Variants in IQSEC1 observed in about 807,000 individuals in gnomAD.
The protein encoded by IQSEC1 is IQ motif and SEC7 domain-containing protein 1.
In IQSEC1, 31 loss-of-function variants were observed where a neutral mutation model predicts 91.0. The observed-to-expected ratio is 0.34, with a 90% CI of 0.26 to 0.46. IQSEC1 has a LOEUF of 0.46. Ranked by LOEUF, IQSEC1 falls within the 20% of genes least tolerant of loss-of-function variation. The pLI, the probability that IQSEC1 is intolerant of heterozygous loss-of-function variation, is 1.00. For synonymous variants in IQSEC1, 699 were observed against 662.6 expected (o/e 1.05, Z -0.84); for missense variants, 1,388 against 1,575.6 (o/e 0.88, Z 2.02).
intron 1 of IQSEC1, among the ~76,000 whole-genome samples, chr3:12,955,123 G>C (rs1391652395): frequency 6.6e-6 from 1 of 152,238 alleles, no homozygotes; most frequent in East Asian, 1.9e-4. Context: ...GGGTTGTGGA[G>C]ACACCAAACC....
At chr3:13,094,052 C>T (rs1199964441) in intron 2 of IQSEC1, among the ~76,000 whole-genome samples, 1 of 152,152 alleles carries the variant, frequency 6.6e-6, no homozygotes, top group Admixed American at 6.5e-5. Context: ...TGGTGCCTAT[C>T]GTGTTATACT....
Position 12,899,581 on chromosome 3 carries a change from G to A in IQSEC1, c.*1402C>T. The A allele has an allele frequency of 6.8e-7, 1 of 1,473,170 alleles. No homozygotes were observed. 91.3% of individuals were successfully genotyped at this position (1,473,170 alleles called of 1,614,324 possible). A position where few individuals can be genotyped will look rare whatever the true frequency, so the allele number is the denominator to read the frequency against. ...TGCCCTGGCAGCTCACTGGACCATGGGAAGGCAGCGGGGGCTCCGCCGGGC... is the reference window on the plus strand; with the variant it reads ...TGCCCTGGCAGCTCACTGGACCATGAGAAGGCAGCGGGGGCTCCGCCGGGC... On this transcript the variant is annotated 3_prime_UTR_variant, in exon 14 of 14. Coordinates refer to ENST00000613206, the MANE Select transcript of IQSEC1 (RefSeq NM_001134382.3).
chr3:13,002,926 A>T (rs1363072913), intron 1 of IQSEC1, among the ~76,000 whole-genome samples: 1 of 152,342 alleles, frequency 6.6e-6, no homozygotes, highest in Non-Finnish European at 1.5e-5. Context: ...GGCCATTTCT[A>T]AAAAGTTAAA....
At chr3:13,164,988 G>A (rs544040911) in intron 1 of IQSEC1, among the ~76,000 whole-genome samples, 3 of 152,184 alleles carry the variant, frequency 2.0e-5, no homozygotes, top group Non-Finnish European at 4.4e-5. Context: ...GTTCCAGAAC[G>A]GAAGTCAGAG....
In IQSEC1 at chr3:12,900,860, A is replaced by AG; in HGVS notation, c.*122dup. 1 of 1,529,772 alleles carries AG rather than the reference A, an allele frequency of 6.5e-7. No homozygotes were observed. The allele number at this position is 1,529,772 out of a possible 1,614,324, so 94.8% of individuals were successfully genotyped here. On this transcript the variant is annotated 3_prime_UTR_variant, in exon 14 of 14. Transcript: ENST00000613206. ...CTCCTGGGGCTCCGGTTGGGCCGTGAGGGGCAGAGGGGAGAGATGGCAACA... is the reference window on the plus strand; with the variant it reads ...CTCCTGGGGCTCCGGTTGGGCCGTGAGGGGGCAGAGGGGAGAGATGGCAACA...
At chr3:13,185,760 C>T (rs1016508270) in intron 1 of IQSEC1, among the ~76,000 whole-genome samples, 36 of 152,226 alleles carry the variant, frequency 2.4e-4, no homozygotes, top group African/African-American at 8.2e-4. Flanking sequence ...ACACTGCATC[C>T]TAATCGCTGG....
At chr3:13,194,275 G>C (rs1694086874) in intron 1 of IQSEC1, among the ~76,000 whole-genome samples, 1 of 152,154 alleles carries the variant, frequency 6.6e-6, no homozygotes, top group Non-Finnish European at 1.5e-5. Context: ...GCAGAGGCAG[G>C]GGAGGTTGGG....
intron 2 of IQSEC1, among the ~76,000 whole-genome samples, chr3:13,138,560 G>C (rs887317863): frequency 2.0e-5 from 3 of 152,062 alleles, no homozygotes; most frequent in Admixed American, 6.5e-5. Context: ...GTAGTCCTAT[G>C]CTGCCAGGCT....
intron 1 of IQSEC1, among the ~76,000 whole-genome samples, chr3:13,037,023 G>A (rs1704061722): frequency 6.6e-6 from 1 of 152,190 alleles, no homozygotes. Flanking sequence ...CAGCACATGT[G>A]TGCCTCACCC....
intron 1 of IQSEC1, among the ~76,000 whole-genome samples, chr3:13,251,502 TA>T (rs1403040787): frequency 6.6e-6 from 1 of 152,182 alleles, no homozygotes; most frequent in East Asian, 1.9e-4. Flanking sequence ...CACTCAGGAA[TA>T]TTTTAAGTGT....
intron 1 of IQSEC1, among the ~76,000 whole-genome samples, chr3:13,203,585 G>A (rs930894036): frequency 2.0e-5 from 3 of 152,164 alleles, no homozygotes; most frequent in Admixed American, 6.5e-5. Flanking sequence ...GAGAGGCAAG[G>A]AGTGGCTGCT....
chr3:13,213,232 G>C (rs1694478371), intron 1 of IQSEC1, among the ~76,000 whole-genome samples: 1 of 152,200 alleles, frequency 6.6e-6, no homozygotes, highest in African/African-American at 2.4e-5. Context: ...CCTGAAGCAA[G>C]AGTCCAGATT....
At position 12,899,869 on chromosome 3, in the gene IQSEC1, T is replaced by C. The variant is rs1203589414; in HGVS notation, c.*1114A>G. 5.1e-6 allele frequency: 5 copies of C among 984,846 alleles called. No individual in the cohort carries two copies. The highest frequency in any genetic ancestry group is 6.0e-6 in the Non-Finnish European group (5 of 829,816). The allele number at this position is 984,846 out of a possible 1,614,324, so 61.0% of individuals were successfully genotyped here. A position where few individuals can be genotyped will look rare whatever the true frequency, so the allele number is the denominator to read the frequency against. On this transcript the variant is annotated 3_prime_UTR_variant, in exon 14 of 14. Transcript: ENST00000613206. Reference sequence around the variant, plus strand: ...GTGTTGGGGAGACGAGGATGAGAGCTGGTCACTTTCATGTTGGAGATGAAC... The same window carrying C: ...GTGTTGGGGAGACGAGGATGAGAGCCGGTCACTTTCATGTTGGAGATGAAC...
At chr3:13,174,868 C>T (rs530988587) in intron 1 of IQSEC1, among the ~76,000 whole-genome samples, 158 of 149,078 alleles carry the variant, frequency 1.1e-3, no homozygotes, top group African/African-American at 3.5e-3. Context: ...CTGTCTCTCT[C>T]GCCCCCACTC....
chr3:12,900,799 C>G lies in IQSEC1; in HGVS notation c.*184G>C. 1 of 1,453,498 alleles carries G rather than the reference C, an allele frequency of 6.9e-7. No individual in the cohort carries two copies. The highest frequency in any genetic ancestry group is 9.0e-7 in the Non-Finnish European group (1 of 1,108,272). The allele number at this position is 1,453,498 out of a possible 1,614,324, so 90.0% of individuals were successfully genotyped here. A position where few individuals can be genotyped will look rare whatever the true frequency, so the allele number is the denominator to read the frequency against. ...CCAGGGTGCCAACAAGAAATGAAAT[C>G]TGGGCCTTTGTTCCACACAACACCA... On this transcript the variant is annotated 3_prime_UTR_variant, in exon 14 of 14. Transcript: ENST00000613206.
chr3:13,025,332 G>A (rs540571766), intron 1 of IQSEC1, among the ~76,000 whole-genome samples: 2 of 152,264 alleles, frequency 1.3e-5, no homozygotes, highest in African/African-American at 4.8e-5. Context: ...TGGGGATGAA[G>A]TCACTGCCGC....
chr3:12,936,587 C>T lies in IQSEC1; in HGVS notation c.429G>A (p.Leu143=). The T allele has an allele frequency of 6.2e-7, 1 of 1,613,262 alleles. No individual in the cohort carries two copies. The highest frequency in any genetic ancestry group is 1.1e-5 in the South Asian group (1 of 91,074). The change falls in exon 3 of 14, where the codon TTG becomes TTA. Residue 143 remains leucine (L), a synonymous_variant. Transcript: ENST00000613206. The part of the protein sequence containing the change: ...QYQMNKNFER[L]RSSMSENRMS... ...TGCGGTTCTCTGACATGGAGCTGCG[C>T]AAGCGCTCGAAGTTCTTGTTCATCT...
intron 1 of IQSEC1, among the ~76,000 whole-genome samples, chr3:13,058,573 T>C (rs908639038): frequency 6.6e-6 from 1 of 152,182 alleles, no homozygotes; most frequent in Non-Finnish European, 1.5e-5. Context: ...GTCAGCACCA[T>C]CCAGGGGAGG....
intron 2 of IQSEC1, among the ~76,000 whole-genome samples, chr3:13,117,461 C>T (rs1290667745): frequency 6.7e-6 from 1 of 148,776 alleles, no homozygotes; most frequent in Non-Finnish European, 1.5e-5. Context: ...TGGCGTGCTA[C>T]CAGGGAGCCT....
Sources: gnomAD v4.1 joint callset for allele counts (sites outside exome capture counted in the v4.1 genomes callset) on GRCh38, gnomAD v4.1.1 for gene constraint, MANE v1.5 for transcripts, NCBI Gene and HGNC (gene_info 2026-07-23, HGNC 2026-07-21) for gene names.